PYM1: variants seen among roughly 807,000 people sequenced by gnomAD.
PYM1 encodes the protein partner of Y14 and mago.
Under a neutral mutation model 20.7 loss-of-function variants are expected in PYM1, and 7 were observed. That is an observed-to-expected ratio of 0.34 (90% CI 0.19 to 0.64). The LOEUF (loss-of-function observed/expected upper bound fraction) is 0.64. PYM1 is among the 30% of genes least tolerant of loss of function. The pLI is 0.74. For missense variants in PYM1, 194 were observed against 250.0 expected (o/e 0.78, Z 1.51); for synonymous variants, 100 against 99.2 (o/e 1.01, Z -0.05).
chr12:55,902,247 T>C lies in PYM1; in HGVS notation c.240A>G (p.Glu80=), dbSNP rs755017878. The change falls in exon 3 of 3, where the codon GAA becomes GAG. Residue 80 remains glutamate (E), a synonymous_variant. Transcript: ENST00000408946. ...GTTTGGCTGTCTTGGAGAGGCCTGG[T>C]TCACCACCTTCAGGCCTGGATGGGG... ...PVTPSRPEGG[E]PGLSKTAKRN... is the part of the protein sequence containing the mutation. 1.9e-6 allele frequency: 3 copies of C among 1,614,180 alleles called. No individual in the cohort carries two copies. Among genetic ancestry groups the C allele is most frequent in the Non-Finnish European group, 2.5e-6 (3 of 1,180,036 alleles).
intron 1 of PYM1, among the ~76,000 whole-genome samples, chr12:55,913,314 T>C (rs1407868662): frequency 6.6e-6 from 1 of 152,172 alleles, no homozygotes; most frequent in Non-Finnish European, 1.5e-5. Flanking sequence ...AGACAGTAAA[T>C]ATGGACTGAA....
At chr12:55,910,105 T>G (rs1882893159) in intron 1 of PYM1, among the ~76,000 whole-genome samples, 1 of 151,922 alleles carries the variant, frequency 6.6e-6, no homozygotes. Flanking sequence ...CTCAGGAGGG[T>G]GACCTGTGTT....
At chr12:55,913,735 G>C (rs1882962033) in intron 1 of PYM1, 1 of 152,194 alleles carries the variant, frequency 6.6e-6, no homozygotes, top group African/African-American at 2.4e-5. Flanking sequence ...TCAAAACAGT[G>C]ACACAGTGGA....
intron 1 of PYM1, among the ~76,000 whole-genome samples, chr12:55,921,683 T>C (rs1036257310): frequency 2.6e-5 from 4 of 151,940 alleles, no homozygotes; most frequent in African/African-American, 9.7e-5. Context: ...TGATGGCAAA[T>C]GTCAAAGGGA....
intron 1 of PYM1, among the ~76,000 whole-genome samples, chr12:55,909,912 G>A (rs1175355763): frequency 1.3e-5 from 2 of 152,102 alleles, no homozygotes; most frequent in Non-Finnish European, 2.9e-5. Flanking sequence ...TCAATAAATA[G>A]CGAAAGGTCA....
At chr12:55,922,407 C>T (rs1883112566) in intron 1 of PYM1, among the ~76,000 whole-genome samples, 1 of 124,582 alleles carries the variant, frequency 8.0e-6, no homozygotes, top group Non-Finnish European at 1.6e-5. Context: ...CTCAGGAGTT[C>T]AAGACCAGCC....
intron 1 of PYM1, among the ~76,000 whole-genome samples, chr12:55,911,671 T>C (rs1473762844): frequency 1.3e-5 from 2 of 151,672 alleles, no homozygotes; most frequent in African/African-American, 4.8e-5. Context: ...TGAAACGCTG[T>C]CTCTAGTAAA....
chr12:55,902,263 C>A lies in PYM1; in HGVS notation c.224G>T (p.Arg75Met). 1 of 1,614,158 alleles carries A rather than the reference C, an allele frequency of 6.2e-7. No homozygotes were observed. Among genetic ancestry groups the A allele is most frequent in the Middle Eastern group, 1.6e-4 (1 of 6,062 alleles). The change falls in exon 3 of 3, where the codon AGG (arginine) becomes ATG (methionine). Residue 75 changes from arginine to methionine, a missense_variant. By Grantham distance (91) the Arg-to-Met change is moderately conservative (BLOSUM62 -1). This residue lies in a region of PYM1 where 158 missense variants were observed against 179.0 expected (regional missense o/e 0.88). Transcript: ENST00000408946. Reference protein sequence around the residue: ...PEATAPVTPSRPEGGEPGLSK... With the variant: ...PEATAPVTPSMPEGGEPGLSK... ...GAGGCCTGGTTCACCACCTTCAGGCCTGGATGGGGTGACAGGAGCAGTGGC... is the reference window on the plus strand; with the variant it reads ...GAGGCCTGGTTCACCACCTTCAGGCATGGATGGGGTGACAGGAGCAGTGGC...
At position 55,918,188 on chromosome 12, in the gene PYM1, C is replaced by T. The variant is rs541779344; in HGVS notation, c.37+9537G>A. Among the ~76,000 whole-genome samples the T allele has an allele frequency of 4.0e-5, 6 of 151,636 alleles. No individual in the cohort carries two copies. In the South Asian group the frequency reaches 1.0e-3, roughly 26 times the overall value. On this transcript the variant is annotated intron_variant, in intron 1 of 2. Transcript: ENST00000408946. ...TCTCGGCTCACTGCAAGCTCCGCCT[C>T]CCGGGTTCACGCCATTCTCCTGCCT... is the stretch of plus-strand genomic sequence containing the variant.
At chr12:55,927,522 G>A (rs1014645139) in intron 1 of PYM1, 4 of 697,766 alleles carry the variant, frequency 5.7e-6, no homozygotes, top group Non-Finnish European at 9.7e-6. Flanking sequence ...CCAGATCTCA[G>A]AGCGGCTTGG....
intron 1 of PYM1, among the ~76,000 whole-genome samples, chr12:55,923,004 TC>T (rs1459444623): frequency 6.6e-6 from 1 of 152,126 alleles, no homozygotes; most frequent in Non-Finnish European, 1.5e-5. Flanking sequence ...GGTGGGCAGA[TC>T]ACCCGAGGTC....
At chr12:55,908,478 A>T (rs1882864528) in intron 1 of PYM1, among the ~76,000 whole-genome samples, 1 of 151,862 alleles carries the variant, frequency 6.6e-6, no homozygotes, top group Non-Finnish European at 1.5e-5. Context: ...TTTAAAATAA[A>T]TGTCTAGGGC....
intron 1 of PYM1, among the ~76,000 whole-genome samples, chr12:55,921,953 T>G (rs1486855095): frequency 6.6e-6 from 1 of 152,156 alleles, no homozygotes; most frequent in Non-Finnish European, 1.5e-5. Flanking sequence ...CACGGCTCAA[T>G]GCAGCCTCAG....
At chr12:55,907,614 C>CA (rs1157560359) in intron 1 of PYM1, among the ~76,000 whole-genome samples, 1 of 136,430 alleles carries the variant, frequency 7.3e-6, no homozygotes, top group Non-Finnish European at 1.5e-5. Context: ...AGCCTGGTGA[C>CA]AGAGCGAGAC....
intron 1 of PYM1, among the ~76,000 whole-genome samples, chr12:55,905,987 A>ATCTAATAGATAT (rs1565714584): frequency 1.8e-4 from 22 of 124,432 alleles, no homozygotes; most frequent in South Asian, 4.3e-4. Context: ...TATTATATAT[A>ATCTAATAGATAT]ATATAAAATA....
Position 55,912,591 on chromosome 12 carries a change from G to GA in PYM1, c.38-9112dup, listed in dbSNP as rs76842128. 5.1e-4 allele frequency among the ~76,000 whole-genome samples: 68 copies of GA among 134,014 alleles called. 2 individuals are homozygous for GA. The highest frequency in any genetic ancestry group is 4.6e-3 in the East Asian group (20 of 4,386). The allele number at this position is 134,014 out of a possible 152,430, so 87.9% of individuals were successfully genotyped here. ...AGGAGCAAAACTCCGCAAGAGGGGG[G>GA]AAAAAAAAAAGGCCTTCTTGATTTA... On this transcript the variant is annotated intron_variant, in intron 1 of 2. Coordinates refer to ENST00000408946, the MANE Select transcript of PYM1 (RefSeq NM_032345.3).
At chr12:55,925,002 G>C (rs1883165038) in intron 1 of PYM1, among the ~76,000 whole-genome samples, 1 of 152,066 alleles carries the variant, frequency 6.6e-6, no homozygotes, top group Non-Finnish European at 1.5e-5. Context: ...TTTTTAAAAA[G>C]AAAAAAATAA....
chr12:55,927,160 C>G (rs373515513), intron 1 of PYM1: 16 of 1,551,254 alleles, frequency 1.0e-5, no homozygotes. Flanking sequence ...TCCCGCCCCC[C>G]TCCCCACCGG....
chr12:55,926,248 C>T (rs1047742067), intron 1 of PYM1, among the ~76,000 whole-genome samples: 1 of 152,154 alleles, frequency 6.6e-6, no homozygotes, highest in African/African-American at 2.4e-5. Flanking sequence ...AAAGATGAGG[C>T]CATTAGGAAG....
Sources: allele counts gnomAD v4.1 joint callset (sites outside exome capture counted in the v4.1 genomes callset), GRCh38; gene constraint gnomAD v4.1.1; regional missense constraint gnomAD v4.1.1; transcripts MANE v1.5; gene names NCBI Gene and HGNC (gene_info 2026-07-23, HGNC 2026-07-21).